Variants in CCDC6 observed in about 807,000 individuals in gnomAD.
CCDC6 encodes the protein coiled-coil domain-containing protein 6.
In CCDC6, 20 loss-of-function variants were observed where a neutral mutation model predicts 56.6. The ratio of observed to expected loss-of-function variants is 0.35; its 90% CI spans 0.25 to 0.51. The LOEUF (loss-of-function observed/expected upper bound fraction) is 0.51. Among genes scored for constraint, CCDC6 ranks in the 20% least tolerant of loss-of-function variants. The probability of loss-of-function intolerance (pLI) is 0.95; values close to 1 mark genes in which losing one functional copy is unlikely to be tolerated. For missense variants in CCDC6, 367 were observed against 601.1 expected (o/e 0.61, Z 4.07); for synonymous variants, 241 against 234.4 (o/e 1.03, Z -0.26).
chr10:59,889,441 C>G (rs536653086), intron 1 of CCDC6, among the ~76,000 whole-genome samples: 1 of 152,332 alleles, frequency 6.6e-6, no homozygotes, highest in South Asian at 2.1e-4. Flanking sequence ...GCCCTTTATT[C>G]ATGTTTTCCT....
intron 7 of CCDC6, among the ~76,000 whole-genome samples, chr10:59,802,009 C>T (rs1021163229): frequency 1.3e-5 from 2 of 152,082 alleles, no homozygotes; most frequent in East Asian, 1.9e-4. Flanking sequence ...CTGTGGGGTA[C>T]GTTCATTGCT....
chr10:59,904,441 A>G (rs537304566), intron 1 of CCDC6, among the ~76,000 whole-genome samples: 1 of 152,352 alleles, frequency 6.6e-6, no homozygotes, highest in Admixed American at 6.5e-5. Flanking sequence ...ACTGCATGCA[A>G]AAGGCTATTT....
intron 3 of CCDC6, among the ~76,000 whole-genome samples, chr10:59,824,132 A>G (rs548698144): frequency 1.8e-4 from 27 of 152,338 alleles, no homozygotes; most frequent in Non-Finnish European, 3.5e-4. Context: ...TACAAGATGG[A>G]ACACAGTGAG....
In CCDC6 at chr10:59,806,859, A is replaced by G. The variant is rs564256046; in HGVS notation, c.1004+63T>C. 77 of 1,524,110 alleles carry G rather than the reference A, an allele frequency of 5.1e-5. 1 individual carries two copies. In the East Asian group the frequency reaches 1.6e-3, roughly 31 times the overall value. The allele number at this position is 1,524,110 out of a possible 1,614,324, so 94.4% of individuals were successfully genotyped here. ...TACACCTAACAGGATACCAAAGAAA[A>G]CCTCTGTAGAACCTGGGTTTTATTT... On this transcript the variant is annotated intron_variant, in intron 6 of 8. Coordinates refer to ENST00000263102, the MANE Select transcript of CCDC6 (RefSeq NM_005436.5).
At chr10:59,801,673 T>TA (rs2070577258) in intron 7 of CCDC6, among the ~76,000 whole-genome samples, 1 of 152,212 alleles carries the variant, frequency 6.6e-6, no homozygotes, top group Non-Finnish European at 1.5e-5. Context: ...TGAGGATCTG[T>TA]GTCTTCTCCC....
chr10:59,848,688 G>A (rs531943469), intron 2 of CCDC6, among the ~76,000 whole-genome samples: 5 of 152,210 alleles, frequency 3.3e-5, no homozygotes, highest in Non-Finnish European at 5.9e-5. Context: ...AGAACTTATC[G>A]GCAACATTAA....
At chr10:59,838,126 T>C (rs1416450038) in intron 2 of CCDC6, among the ~76,000 whole-genome samples, 1 of 152,082 alleles carries the variant, frequency 6.6e-6, no homozygotes, top group Non-Finnish European at 1.5e-5. Context: ...CCCACACTTA[T>C]TCCCACCTCC....
chr10:59,889,448 T>C (rs904969845), intron 1 of CCDC6, among the ~76,000 whole-genome samples: 7 of 152,198 alleles, frequency 4.6e-5, no homozygotes, highest in Admixed American at 1.3e-4. Flanking sequence ...ATTCATGTTT[T>C]CCTGAGGGAA....
intron 1 of CCDC6, among the ~76,000 whole-genome samples, chr10:59,865,212 T>G (rs906552704): frequency 1.3e-5 from 2 of 152,192 alleles, no homozygotes; most frequent in African/African-American, 4.8e-5. Context: ...AAGACCGGGA[T>G]ATAACATTCC....
At chr10:59,856,788 T>C (rs1300313545) in intron 1 of CCDC6, among the ~76,000 whole-genome samples, 1 of 152,042 alleles carries the variant, frequency 6.6e-6, no homozygotes, top group Non-Finnish European at 1.5e-5. Context: ...TCTAAACACA[T>C]CCCAATTCAA....
intron 1 of CCDC6, among the ~76,000 whole-genome samples, chr10:59,904,976 T>A (rs2071531806): frequency 6.6e-6 from 1 of 152,192 alleles, no homozygotes; most frequent in South Asian, 2.1e-4. Flanking sequence ...CCCAAATTCA[T>A]CCCTTTTTCT....
rs7075870 is a variant in CCDC6, at chr10:59,865,250, C to T, written c.304-12548G>A. 7.9e-3 allele frequency among the ~76,000 whole-genome samples: 1,205 copies of T among 152,250 alleles called. 19 individuals carry two copies. The highest frequency in any genetic ancestry group is 0.028 in the African/African-American group (1,159 of 41,538). ...CAGCTATACATGCTTGGAAAACCTG[C>T]GGTGTTTCTCAGTTGCACCTGTGCA... On this transcript the variant is annotated intron_variant, in intron 1 of 8. Transcript: ENST00000263102.
In CCDC6 at chr10:59,859,503, A is replaced by G. The variant is rs887676199; in HGVS notation, c.304-6801T>C. Among the ~76,000 whole-genome samples the G allele has an allele frequency of 2.0e-5, 3 of 152,206 alleles. No individual in the cohort carries two copies. The East Asian group carries it at 5.8e-4, about 29-fold the overall frequency. ...GATCAGGCAGGTTTGAAAAGAAAAC[A>G]GAACTTCTTAAAATAAATGTTTAGA... is the stretch of plus-strand genomic sequence containing the variant. On this transcript the variant is annotated intron_variant, in intron 1 of 8. Transcript: ENST00000263102.
At chr10:59,836,339 C>T (rs1203475805) in intron 2 of CCDC6, among the ~76,000 whole-genome samples, 1 of 152,192 alleles carries the variant, frequency 6.6e-6, no homozygotes. Flanking sequence ...TAGCTCATGG[C>T]ACCACAGACG....
chr10:59,876,981 G>A (rs1398987239), intron 1 of CCDC6, among the ~76,000 whole-genome samples: 2 of 152,120 alleles, frequency 1.3e-5, no homozygotes, highest in Non-Finnish European at 2.9e-5. Flanking sequence ...CTATTGCTCC[G>A]AGGCCTGTAC....
Position 59,832,639 on chromosome 10 carries a change from T to C in CCDC6, c.468A>G (p.Lys156=). The C allele has an allele frequency of 6.2e-7, 1 of 1,612,996 alleles. No individual in the cohort carries two copies. Among genetic ancestry groups the C allele is most frequent in the Non-Finnish European group, 8.5e-7 (1 of 1,179,712 alleles). The change falls in exon 3 of 9, where the codon AAA becomes AAG. Residue 156 remains lysine, a synonymous_variant. Transcript: ENST00000263102. ...GTTCAAGATGCTGTTCTAGTTCGGC[T>C]TTCTCATGCTGCAACTGGAAAATGA... ...SRKLMQLQHE[K]AELEQHLEQE... is the part of the protein sequence containing the mutation.
intron 2 of CCDC6, among the ~76,000 whole-genome samples, chr10:59,850,630 T>C (rs2071030835): frequency 6.6e-6 from 1 of 152,226 alleles, no homozygotes; most frequent in Admixed American, 6.5e-5. Context: ...GTTCAGTTTA[T>C]ATACTATTCA....
intron 1 of CCDC6, among the ~76,000 whole-genome samples, chr10:59,899,362 A>G (rs1433292618): frequency 6.6e-6 from 1 of 152,238 alleles, no homozygotes; most frequent in Non-Finnish European, 1.5e-5. Context: ...AAAGATTACC[A>G]TTATTCCTTA....
intron 7 of CCDC6, among the ~76,000 whole-genome samples, chr10:59,799,675 G>A (rs969978218): frequency 6.6e-6 from 1 of 152,214 alleles, no homozygotes; most frequent in Non-Finnish European, 1.5e-5. Context: ...GCCTGAGAAT[G>A]TCTTCTCTTT....
Sources: gnomAD v4.1 joint callset for allele counts (sites outside exome capture counted in the v4.1 genomes callset) on GRCh38, gnomAD v4.1.1 for gene constraint, MANE v1.5 for transcripts, NCBI Gene and HGNC (gene_info 2026-07-23, HGNC 2026-07-21) for gene names.